PPFIBP2: variants seen among roughly 807,000 people sequenced by gnomAD.
PPFIBP2 encodes PPFIB scaffold protein 2.
PPFIBP2 carries 118 observed loss-of-function variants against 118.3 expected under a neutral mutation model. That is an observed-to-expected ratio of 1.00 (90% CI 0.86 to 1.16). PPFIBP2 has a LOEUF of 1.16. Among genes scored for constraint, PPFIBP2 ranks in the 50% most tolerant of loss-of-function variants. The pLI is 0.00. For synonymous variants in PPFIBP2, 414 were observed against 397.4 expected (o/e 1.04, Z -0.50); for missense variants, 1,195 against 1,073.1 (o/e 1.11, Z -1.59).
At chr11:7,663,505 T>A in the PPFIBP2 span, among the ~76,000 whole-genome samples, 1 of 152,216 alleles carries the variant, frequency 6.6e-6, no homozygotes, top group African/African-American at 2.4e-5. Flanking sequence ...GTCTGCCCGT[T>A]CTCAGATCTG....
At chr11:7,527,135 C>G (rs952744274) in intron 1 of PPFIBP2, among the ~76,000 whole-genome samples, 1 of 151,694 alleles carries the variant, frequency 6.6e-6, no homozygotes, top group Non-Finnish European at 1.5e-5. Context: ...GTCTGACTGT[C>G]TGCACCTTGG....
rs1043860825 is a variant in PPFIBP2 at position 7,648,486 on chromosome 11, G to A, written c.1746G>A (p.Trp582Ter). 2 of 1,613,894 alleles carry A rather than the reference G, an allele frequency of 1.2e-6. No individual in the cohort carries two copies. The highest frequency in any genetic ancestry group is 1.7e-5 in the Admixed American group (1 of 59,986). Reference protein sequence around the residue: ...LAQYVIFARQWVSSGHTLLTA... With the variant: ...LAQYVIFARQ ...AGTATGTGATCTTTGCCAGGCAGTG[G>A]GTATCTTCTGGCCACACCTTATTGA... Residue 582 changes from tryptophan (W) to a stop codon, truncating the protein, a stop_gained, in exon 18 of 24, where the codon TGG becomes TGA. Transcript: ENST00000299492. LOFTEE classifies it high-confidence loss of function.
chr11:7,518,632 C>T (rs1368910192), intron 1 of PPFIBP2, among the ~76,000 whole-genome samples: 2 of 152,020 alleles, frequency 1.3e-5, no homozygotes, highest in African/African-American at 2.4e-5. Context: ...GAGGGGATAA[C>T]GTAGAGGTCA....
chr11:7,657,744 G>A (rs1459252516), downstream of PPFIBP2, among the ~76,000 whole-genome samples: 3 of 152,168 alleles, frequency 2.0e-5, no homozygotes, highest in Non-Finnish European at 4.4e-5. Flanking sequence ...ACGGCAAAGA[G>A]ACCATCTCTC....
At chr11:7,666,132 T>C in the PPFIBP2 span, 2 of 609,352 alleles carry the variant, frequency 3.3e-6, no homozygotes, top group Admixed American at 2.8e-5. Context: ...TCAGTGCCCA[T>C]ATTAGATGTG....
chr11:7,584,862 G>C (rs1035152919), intron 3 of PPFIBP2, among the ~76,000 whole-genome samples: 7 of 152,174 alleles, frequency 4.6e-5, no homozygotes, highest in Non-Finnish European at 1.0e-4. Flanking sequence ...TATCTCCCCT[G>C]ATGCCCTGTG....
At chr11:7,666,740 A>T in the PPFIBP2 span, 1 of 498,318 alleles carries the variant, frequency 2.0e-6, no homozygotes, top group Admixed American at 3.4e-5. Flanking sequence ...TTGTGGATGA[A>T]GTTCCTCCAT....
chr11:7,633,067 AG>A, intron 12 of PPFIBP2, 133 bp downstream of exon 12: 1 of 770,580 alleles, frequency 1.3e-6, no homozygotes. Flanking sequence ...CTCTGTTGTT[AG>A]GGCAGTTACA....
At chr11:7,654,396 G>A (rs917880328), downstream of PPFIBP2, among the ~76,000 whole-genome samples, 1 of 152,158 alleles carries the variant, frequency 6.6e-6, no homozygotes, top group Non-Finnish European at 1.5e-5. Flanking sequence ...TCAATCCCCT[G>A]GGCCTCATCG....
At chr11:7,620,684 G>C (rs1425500761) in intron 6 of PPFIBP2, among the ~76,000 whole-genome samples, 1 of 152,254 alleles carries the variant, frequency 6.6e-6, no homozygotes, top group African/African-American at 2.4e-5. Context: ...AGATGTCAGA[G>C]AAAGGGGCAG....
chr11:7,637,146 C>G (rs1851557494), intron 14 of PPFIBP2, among the ~76,000 whole-genome samples: 1 of 152,224 alleles, frequency 6.6e-6, no homozygotes, highest in African/African-American at 2.4e-5. Flanking sequence ...GCTCTGTTCT[C>G]TGGGCTGAAC....
the PPFIBP2 span, among the ~76,000 whole-genome samples, chr11:7,664,818 C>T: frequency 0.012 from 1,863 of 151,036 alleles, 16 homozygotes; most frequent in Non-Finnish European, 0.02. Flanking sequence ...CCCCCCACCC[C>T]GACAGACCCT....
intron 1 of PPFIBP2, among the ~76,000 whole-genome samples, chr11:7,518,029 G>A (rs189210743): frequency 1.3e-4 from 20 of 152,380 alleles, no homozygotes; most frequent in Admixed American, 1.2e-3. Flanking sequence ...CCAGGTGGAG[G>A]TGGATTGCTA....
At chr11:7,554,344 G>C (rs2134587318) in intron 2 of PPFIBP2, among the ~76,000 whole-genome samples, 1 of 152,298 alleles carries the variant, frequency 6.6e-6, no homozygotes, top group African/African-American at 2.4e-5. Flanking sequence ...GTGATCACTA[G>C]TAATCATATA....
At chr11:7,631,647 G>C (rs1373787601) in intron 11 of PPFIBP2, among the ~76,000 whole-genome samples, 1 of 151,996 alleles carries the variant, frequency 6.6e-6, no homozygotes. Context: ...TTCAGCCTAG[G>C]GTCCAAAAGA....
At chr11:7,658,343 G>T (rs2136087308), downstream of PPFIBP2, among the ~76,000 whole-genome samples, 1 of 110,220 alleles carries the variant, frequency 9.1e-6, no homozygotes, top group African/African-American at 3.9e-5. Context: ...TCCCCTTCCT[G>T]TGTCCATGTG....
At chr11:7,517,122 T>A (rs1429595598) in intron 1 of PPFIBP2, among the ~76,000 whole-genome samples, 1 of 152,204 alleles carries the variant, frequency 6.6e-6, no homozygotes. Context: ...AGAGTTTTAG[T>A]GGCTTTTATT....
intron 9 of PPFIBP2, 103 bp downstream of exon 9, chr11:7,628,449 T>G (rs1850313133): frequency 9.4e-7 from 1 of 1,069,394 alleles, no homozygotes; most frequent in Non-Finnish European, 1.4e-6. Context: ...ATGCTTATCA[T>G]GCCATTGACA....
intron 3 of PPFIBP2, among the ~76,000 whole-genome samples, chr11:7,583,318 C>A (rs1002714206): frequency 6.6e-6 from 1 of 152,184 alleles, no homozygotes; most frequent in Non-Finnish European, 1.5e-5. Context: ...TCTGTGTTCT[C>A]AAACTTTGGA....
Sources: allele counts gnomAD v4.1 joint callset (sites outside exome capture counted in the v4.1 genomes callset), GRCh38; gene constraint gnomAD v4.1.1; transcripts MANE v1.5; gene names NCBI Gene and HGNC (gene_info 2026-07-23, HGNC 2026-07-21).